PCSK5: variants seen among roughly 807,000 people sequenced by gnomAD.
PCSK5 encodes the protein proprotein convertase subtilisin/kexin type 5.
A neutral mutation model predicts 233.2 loss-of-function variants in PCSK5; 129 were observed. The observed-to-expected ratio is 0.55, with a 90% CI of 0.48 to 0.64. PCSK5 has a LOEUF of 0.64. Among genes scored for constraint, PCSK5 ranks in the 30% least tolerant of loss-of-function variants. The pLI, the probability that PCSK5 is intolerant of heterozygous loss-of-function variation, is 0.00. For synonymous variants in PCSK5, 825 were observed against 879.2 expected (o/e 0.94, Z 1.09); for missense variants, 2,076 against 2,430.1 (o/e 0.85, Z 3.06).
chr9:76,175,646 G>A (rs1823578824), intron 14 of PCSK5: 1 of 157,124 alleles, frequency 6.4e-6, no homozygotes, highest in Non-Finnish European at 1.4e-5. Context: ...ATCAGCTTTA[G>A]GGCTTGGAAA....
chr9:76,090,770 G>A (rs1158146161), intron 7 of PCSK5, among the ~76,000 whole-genome samples: 5 of 152,080 alleles, frequency 3.3e-5, no homozygotes, highest in Admixed American at 1.3e-4. Flanking sequence ...CATTCATTAC[G>A]CACATTATTT....
chr9:76,164,376 A>G (rs1192540060), intron 12 of PCSK5, among the ~76,000 whole-genome samples: 1 of 152,226 alleles, frequency 6.6e-6, no homozygotes, highest in African/African-American at 2.4e-5. Flanking sequence ...CCTCATTTAT[A>G]AAATAGATGT....
At position 75,986,548 on chromosome 9, in the gene PCSK5, G is replaced by A. The variant is rs536588143; in HGVS notation, c.411+303G>A. On this transcript the variant is annotated intron_variant, in intron 3 of 37. Transcript: ENST00000674117. ...CCAGAGGATAGAAAAATACGCAAAA[G>A]TGCACATACCCTTAGACCTATCAAT... 5.9e-5 allele frequency among the ~76,000 whole-genome samples: 9 copies of A among 152,286 alleles called. No individual in the cohort carries two copies. In the East Asian group the frequency reaches 1.5e-3, roughly 26 times the overall value.
chr9:76,103,516 G>A (rs958824251), intron 8 of PCSK5, among the ~76,000 whole-genome samples: 1 of 152,076 alleles, frequency 6.6e-6, no homozygotes, highest in Non-Finnish European at 1.5e-5. Flanking sequence ...TAAAATCAAA[G>A]GTCCAATCAG....
chr9:75,958,339 C>A (rs539892633), intron 2 of PCSK5, among the ~76,000 whole-genome samples: 2 of 152,294 alleles, frequency 1.3e-5, no homozygotes, highest in South Asian at 2.1e-4. Flanking sequence ...AAGCTCCTGT[C>A]TGAGTTGGAA....
intron 5 of PCSK5, among the ~76,000 whole-genome samples, chr9:76,047,298 G>A (rs191100255): frequency 1.2e-3 from 187 of 151,988 alleles, no homozygotes; most frequent in East Asian, 2.1e-3. Context: ...GGGTTTCACC[G>A]TGTTAGCCGG....
At chr9:76,093,080 C>CTTTTT (rs71372045) in intron 7 of PCSK5, among the ~76,000 whole-genome samples, 3 of 85,702 alleles carry the variant, frequency 3.5e-5, no homozygotes, top group African/African-American at 8.4e-5. Flanking sequence ...TTGTCTTTCC[C>CTTTTT]TTTTTTTTTT....
At chr9:76,151,266 G>A (rs1037462769) in intron 10 of PCSK5, among the ~76,000 whole-genome samples, 5 of 152,162 alleles carry the variant, frequency 3.3e-5, no homozygotes, top group African/African-American at 9.7e-5. Context: ...TTGATCTCTG[G>A]TTCGGAATTT....
chr9:76,046,160 G>T (rs865896028), intron 5 of PCSK5, among the ~76,000 whole-genome samples: 2,606 of 57,882 alleles, frequency 0.045, 144 homozygotes, highest in African/African-American at 0.15. Flanking sequence ...TTTTTCTTTT[G>T]TTTTTTTTTT....
rs1830233144 is a variant in PCSK5 at position 76,354,028 on chromosome 9, A to C, written c.5068-5A>C. ...CAAAAGGAACCTCTTGATTGCTCTT[A>C]ACAGGGAGAGAAGTTTAACTGTGAA... is the stretch of plus-strand genomic sequence containing the variant. On this transcript the variant is annotated splice_polypyrimidine_tract_variant and splice_region_variant and intron_variant, in intron 36 of 37. Coordinates refer to ENST00000674117, the MANE Select transcript of PCSK5 (RefSeq NM_001372043.1). 1 of 1,603,930 alleles carries C rather than the reference A, an allele frequency of 6.2e-7. No homozygotes were observed. Among genetic ancestry groups the C allele is most frequent in the East Asian group, 2.2e-5 (1 of 44,744 alleles).
intron 1 of PCSK5, among the ~76,000 whole-genome samples, chr9:75,905,955 A>G (rs1252106378): frequency 6.6e-6 from 1 of 152,198 alleles, no homozygotes; most frequent in Non-Finnish European, 1.5e-5. Flanking sequence ...TATGTGAATT[A>G]TATCTCAGTA....
intron 2 of PCSK5, among the ~76,000 whole-genome samples, chr9:75,939,387 G>A (rs1007246628): frequency 1.3e-5 from 2 of 152,122 alleles, no homozygotes; most frequent in African/African-American, 4.8e-5. Context: ...ACATTTCTCT[G>A]AGAGATCTAA....
chr9:76,168,482 GTC>G (rs1465777685), intron 12 of PCSK5, among the ~76,000 whole-genome samples: 3 of 152,206 alleles, frequency 2.0e-5, no homozygotes, highest in Non-Finnish European at 4.4e-5. Context: ...CATTATTAAT[GTC>G]TCTTTATTCT....
intron 2 of PCSK5, among the ~76,000 whole-genome samples, chr9:75,938,093 T>C (rs1315486549): frequency 6.6e-6 from 1 of 152,206 alleles, no homozygotes; most frequent in African/African-American, 2.4e-5. Context: ...CAGTCACAGC[T>C]TGGCTGTTTG....
intron 2 of PCSK5, 102 bp from the exon 3 acceptor site, chr9:75,986,029 AC>A: frequency 1.4e-6 from 1 of 691,468 alleles, no homozygotes; most frequent in South Asian, 1.8e-5. Context: ...GAAACTTGTG[AC>A]TTAAATAGCC....
chr9:75,906,858 A>G (rs1219045123), intron 1 of PCSK5, among the ~76,000 whole-genome samples: 1 of 152,196 alleles, frequency 6.6e-6, no homozygotes, highest in Non-Finnish European at 1.5e-5. Flanking sequence ...TTCCCTTGAT[A>G]AAGCTAGACC....
At chr9:76,118,537 G>A (rs1427414250) in intron 9 of PCSK5, among the ~76,000 whole-genome samples, 3 of 151,898 alleles carry the variant, frequency 2.0e-5, no homozygotes, top group East Asian at 3.9e-4. Flanking sequence ...GATTTCATTT[G>A]CCACTAGTAT....
intron 35 of PCSK5, among the ~76,000 whole-genome samples, chr9:76,340,830 T>C (rs182601520): frequency 6.6e-6 from 1 of 152,102 alleles, no homozygotes; most frequent in Admixed American, 6.6e-5. Context: ...CTCCATTTCA[T>C]TCCCTGACTT....
chr9:76,123,758 T>C (rs1832735076), intron 9 of PCSK5, among the ~76,000 whole-genome samples: 1 of 152,224 alleles, frequency 6.6e-6, no homozygotes, highest in South Asian at 2.1e-4. Context: ...TCAGAGTCTG[T>C]ATTTGTTGAT....
Sources: allele counts gnomAD v4.1 joint callset (sites outside exome capture counted in the v4.1 genomes callset), GRCh38; gene constraint gnomAD v4.1.1; transcripts MANE v1.5; gene names NCBI Gene and HGNC (gene_info 2026-07-23, HGNC 2026-07-21).